Variants in ENPP2 observed in about 807,000 individuals in gnomAD.
ENPP2 encodes the protein autotaxin.
A neutral mutation model predicts 120.2 loss-of-function variants in ENPP2; 51 were observed. The observed-to-expected ratio is 0.42, with a 90% confidence interval of 0.34 to 0.54. The LOEUF is 0.54. ENPP2 is among the 20% of genes least tolerant of loss of function. ENPP2 has a pLI of 0.04. For synonymous variants in ENPP2, 365 were observed against 366.4 expected (o/e 1.00, Z 0.04); for missense variants, 920 against 1,066.5 (o/e 0.86, Z 1.91).
Position 119,626,627 on chromosome 8 carries a change from T to C in ENPP2, c.230A>G (p.Asp77Gly). ...ACTGGTATAGCTCTTACACAAGTTG[T>C]CACAGCGACAATCAGGAGGTCCAGC... ...QEAGPPDCRC[D>G]NLCKSYTSCC... is the part of the protein sequence containing the mutation. Residue 77 changes from aspartate to glycine, a missense_variant, in exon 3 of 25, where the codon GAC (aspartate) becomes GGC (glycine). By Grantham distance (94) the Asp-to-Gly change is moderately conservative. Transcript: ENST00000075322. 1 of 1,614,014 alleles carries C rather than the reference T, an allele frequency of 6.2e-7. No individual in the cohort carries two copies. Among genetic ancestry groups the C allele is most frequent in the Non-Finnish European group, 8.5e-7 (1 of 1,179,896 alleles).
chr8:119,596,020 G>C, intron 11 of ENPP2: 2 of 1,612,684 alleles, frequency 1.2e-6, no homozygotes, highest in Non-Finnish European at 8.5e-7. Context: ...GGCGGATAGA[G>C]ATGTCTGGAC....
chr8:119,575,197 T>C (rs796329925), intron 19 of ENPP2, among the ~76,000 whole-genome samples: 10 of 152,272 alleles, frequency 6.6e-5, no homozygotes, highest in African/African-American at 2.2e-4. Flanking sequence ...ATGAAGGAAC[T>C]GGAGGTTTAT....
At chr8:119,587,582 G>T (rs546349734) in intron 13 of ENPP2, among the ~76,000 whole-genome samples, 1 of 152,132 alleles carries the variant, frequency 6.6e-6, no homozygotes, top group Admixed American at 6.5e-5. Context: ...TATCCTGGGT[G>T]TAATTACACA....
chr8:119,642,013 A>G (rs1367814155), upstream of ENPP2, among the ~76,000 whole-genome samples: 1 of 152,142 alleles, frequency 6.6e-6, no homozygotes, highest in Non-Finnish European at 1.5e-5. Flanking sequence ...GGTCCTCCTG[A>G]TTTCAGACAT....
chr8:119,571,535 A>G (rs1246380593), intron 19 of ENPP2: 3 of 152,272 alleles, frequency 2.0e-5, no homozygotes, highest in East Asian at 3.9e-4. Flanking sequence ...GGAAAAAAAA[A>G]GGTCTGAAGC....
intron 19 of ENPP2, chr8:119,571,453 C>T (rs1814974752): frequency 6.6e-6 from 1 of 152,070 alleles, no homozygotes; most frequent in Admixed American, 6.6e-5. Context: ...GAGGGAAGTT[C>T]ATCAGTTACC....
chr8:119,651,371 G>A (rs868129071), intron 1 of ENPP2, among the ~76,000 whole-genome samples: 2 of 152,156 alleles, frequency 1.3e-5, no homozygotes, highest in South Asian at 4.2e-4. Flanking sequence ...AACCTACTGG[G>A]GACATTTACA....
chr8:119,562,592 A>C (rs1229615728), intron 24 of ENPP2, among the ~76,000 whole-genome samples: 4 of 152,150 alleles, frequency 2.6e-5, no homozygotes, highest in Non-Finnish European at 5.9e-5. Flanking sequence ...TCTTTTGCAA[A>C]ATGAAAAACA....
chr8:119,601,549 C>A, intron 9 of ENPP2, 87 bp from the exon 10 acceptor site: 1 of 880,520 alleles, frequency 1.1e-6, no homozygotes, highest in Non-Finnish European at 1.9e-6. Flanking sequence ...GCACCCAGGC[C>A]AAATGCTCTC....
At chr8:119,615,859 C>T (rs1001096470) in intron 8 of ENPP2, among the ~76,000 whole-genome samples, 1 of 152,042 alleles carries the variant, frequency 6.6e-6, no homozygotes, top group Non-Finnish European at 1.5e-5. Context: ...AAATTCACCT[C>T]ATCACCATTG....
At chr8:119,640,936 AG>A (rs1817269173), upstream of ENPP2, among the ~76,000 whole-genome samples, 2 of 151,934 alleles carry the variant, frequency 1.3e-5, no homozygotes, top group South Asian at 4.1e-4. Flanking sequence ...TAATACAGAC[AG>A]GGTTTCACCA....
intron 1 of ENPP2, among the ~76,000 whole-genome samples, chr8:119,668,448 GA>G (rs1818143327): frequency 4.5e-5 from 1 of 21,986 alleles, no homozygotes. Context: ...TTTTTTTTTT[GA>G]GACAGAGTCT....
At chr8:119,624,918 G>A (rs957508336) in intron 3 of ENPP2, among the ~76,000 whole-genome samples, 7 of 152,044 alleles carry the variant, frequency 4.6e-5, no homozygotes, top group African/African-American at 1.7e-4. Flanking sequence ...TTTGATATTT[G>A]ATTCCTTCAC....
In ENPP2 at chr8:119,570,915, G is replaced by A. The variant is rs910616382; in HGVS notation, c.1781-74C>T. ...ATCAAATGTTAAAGAAATGTTGGAA[G>A]AGTCAAGTTACCTAAAATGGCTAGC... On this transcript the variant is annotated intron_variant, in intron 19 of 24. Transcript: ENST00000075322. 4.1e-6 allele frequency: 4 copies of A among 981,424 alleles called. No homozygotes were observed. In the African/African-American group the frequency reaches 6.9e-5, roughly 17 times the overall value. The allele number at this position is 981,424 out of a possible 1,614,324, so 60.8% of individuals were successfully genotyped here. A position where few individuals can be genotyped will look rare whatever the true frequency, so the allele number is the denominator to read the frequency against.
At chr8:119,646,322 C>T (rs975851619) in intron 1 of ENPP2, among the ~76,000 whole-genome samples, 1 of 152,130 alleles carries the variant, frequency 6.6e-6, no homozygotes, top group Non-Finnish European at 1.5e-5. Flanking sequence ...AAGCAGTTCT[C>T]AAAGTATGGT....
intron 13 of ENPP2, 50 bp from the exon 14 acceptor site, chr8:119,587,125 A>G (rs886838370): frequency 6.7e-7 from 1 of 1,484,842 alleles, no homozygotes; most frequent in Non-Finnish European, 9.3e-7. Flanking sequence ...ACCATTACCA[A>G]GAGAAATCAT....
intron 1 of ENPP2, among the ~76,000 whole-genome samples, chr8:119,649,411 A>AAAAAG (rs543397920): frequency 0.086 from 12,988 of 150,414 alleles, 801 homozygotes; most frequent in South Asian, 0.19. Flanking sequence ...CAAAAAAAAA[A>AAAAAG]AAAAGAAAAG....
chr8:119,637,122 C>T (rs1817047050), intron 2 of ENPP2, among the ~76,000 whole-genome samples: 1 of 152,102 alleles, frequency 6.6e-6, no homozygotes, highest in African/African-American at 2.4e-5. Context: ...CTAGCTTTCC[C>T]ACATGACCAT....
intron 1 of ENPP2, among the ~76,000 whole-genome samples, chr8:119,651,621 T>G (rs376698050): frequency 3.9e-5 from 6 of 152,258 alleles, no homozygotes; most frequent in African/African-American, 1.2e-4. Context: ...ATCTAGTAAA[T>G]GTTTGATGAG....
Sources: gnomAD v4.1 joint callset for allele counts (sites outside exome capture counted in the v4.1 genomes callset) on GRCh38, gnomAD v4.1.1 for gene constraint, MANE v1.5 for transcripts, NCBI Gene and HGNC (gene_info 2026-07-23, HGNC 2026-07-21) for gene names.